The following CTNNA3 variants were observed in gnomAD, a reference collection of about 807,000 sequenced individuals.
CTNNA3 encodes catenin alpha-3.
A neutral mutation model predicts 95.7 loss-of-function variants in CTNNA3; 76 were observed. That is an observed-to-expected ratio of 0.79 (90% CI 0.66 to 0.96). The LOEUF (loss-of-function observed/expected upper bound fraction) is 0.96. Among genes scored for constraint, CTNNA3 ranks in the 40% least tolerant of loss-of-function variants. The probability of loss-of-function intolerance (pLI) is 0.00; values close to 1 mark genes in which losing one functional copy is unlikely to be tolerated. For synonymous variants in CTNNA3, 431 were observed against 374.4 expected, an observed-to-expected ratio of 1.15 and a Z score of -1.74; for missense variants, 1,191 against 1,089.8, an observed-to-expected ratio of 1.09 and a Z score of -1.31.
chr10:67,750,773 A>C, intron 1 of CTNNA3: 2 of 1,605,224 alleles, frequency 1.2e-6, no homozygotes, highest in East Asian at 4.5e-5. Flanking sequence ...AATTTCAACC[A>C]CTTCCAGATA....
intron 2 of CTNNA3, among the ~76,000 whole-genome samples, chr10:67,638,811 T>C (rs1202227486): frequency 1.3e-5 from 2 of 152,078 alleles, no homozygotes; most frequent in Non-Finnish European, 1.5e-5. Context: ...TTGAAACCAA[T>C]GAGAACAAGA....
At chr10:66,449,678 T>C (rs1217305306) in intron 11 of CTNNA3, among the ~76,000 whole-genome samples, 1 of 152,048 alleles carries the variant, frequency 6.6e-6, no homozygotes, top group Non-Finnish European at 1.5e-5. Context: ...AGGGCACTCA[T>C]CCAGAAAATC....
intron 13 of CTNNA3, among the ~76,000 whole-genome samples, chr10:66,258,996 C>G (rs2090896012): frequency 1.3e-5 from 2 of 152,170 alleles, no homozygotes; most frequent in African/African-American, 4.8e-5. Flanking sequence ...GCCAAAACCT[C>G]TACTGATTGG....
intron 11 of CTNNA3, among the ~76,000 whole-genome samples, chr10:66,491,431 G>A (rs77288038): frequency 0.028 from 4,218 of 152,216 alleles, 206 homozygotes; most frequent in African/African-American, 0.095. Flanking sequence ...AGATGGAGTG[G>A]AAGAAGCCTA....
At chr10:66,501,961 A>G (rs1180031233) in intron 11 of CTNNA3, among the ~76,000 whole-genome samples, 1 of 152,162 alleles carries the variant, frequency 6.6e-6, no homozygotes, top group East Asian at 1.9e-4. Context: ...AGACTCAGTA[A>G]GACTTCACCG....
chr10:66,446,373 A>G (rs1193055722), intron 11 of CTNNA3, among the ~76,000 whole-genome samples: 1 of 138,966 alleles, frequency 7.2e-6, no homozygotes, highest in Non-Finnish European at 1.6e-5. Context: ...CACAACCAAA[A>G]AAGGTAATTT....
chr10:67,523,389 T>C (rs1840041783), intron 4 of CTNNA3, among the ~76,000 whole-genome samples: 1 of 152,186 alleles, frequency 6.6e-6, no homozygotes, highest in Admixed American at 6.5e-5. Context: ...CAATTTAATC[T>C]TCACAAGAAC....
At chr10:66,915,025 C>A (rs1205068498) in intron 7 of CTNNA3, among the ~76,000 whole-genome samples, 1 of 151,602 alleles carries the variant, frequency 6.6e-6, no homozygotes, top group Non-Finnish European at 1.5e-5. Flanking sequence ...GAAAGAAAAA[C>A]CAAAGGATCA....
At chr10:67,189,897 A>C (rs1863041888) in intron 6 of CTNNA3, among the ~76,000 whole-genome samples, 1 of 152,160 alleles carries the variant, frequency 6.6e-6, no homozygotes, top group South Asian at 2.1e-4. Flanking sequence ...AATTAAAATA[A>C]ATTGCAAATA....
chr10:67,206,410 A>G (rs1249108655), intron 6 of CTNNA3, among the ~76,000 whole-genome samples: 1 of 152,144 alleles, frequency 6.6e-6, no homozygotes, highest in Admixed American at 6.5e-5. Context: ...GGTTGGCAGG[A>G]TATATTGTTT....
Position 65,916,917 on chromosome 10 carries a change from A to C in CTNNA3, c.*3413T>G, listed in dbSNP as rs2077014598. On this transcript the variant is annotated 3_prime_UTR_variant, in exon 18 of 18. Coordinates refer to ENST00000433211, the MANE Select transcript of CTNNA3 (RefSeq NM_013266.4). ...TACACATTAGGCTTTTCAGCCACTC[A>C]TTATTTAATTTGAGGAGCATTAATT... The C allele has an allele frequency of 6.6e-6, 1 of 152,190 alleles. No individual in the cohort carries two copies. The highest frequency in any genetic ancestry group is 2.4e-5 in the African/African-American group (1 of 41,460). The allele number at this position is 152,190 out of a possible 1,614,324, so 9.4% of individuals were successfully genotyped here. A position where few individuals can be genotyped will look rare whatever the true frequency, so the allele number is the denominator to read the frequency against.
intron 7 of CTNNA3, among the ~76,000 whole-genome samples, chr10:67,016,262 C>T (rs73326954): frequency 0.016 from 2,465 of 152,264 alleles, 86 homozygotes; most frequent in African/African-American, 0.055. Flanking sequence ...AAGGGGATAG[C>T]TGGAAATGTA....
At chr10:66,607,087 A>G (rs761939606) in intron 10 of CTNNA3, among the ~76,000 whole-genome samples, 1 of 152,080 alleles carries the variant, frequency 6.6e-6, no homozygotes, top group Non-Finnish European at 1.5e-5. Context: ...ATTAAAAATG[A>G]CAAAGGGGAT....
rs145480171 is a variant in CTNNA3, at chr10:67,693,836, A to G, written c.-6+2164T>C. On this transcript the variant is annotated intron_variant, in intron 1 of 17. Coordinates refer to ENST00000433211, the MANE Select transcript of CTNNA3 (RefSeq NM_013266.4). ...CACAACATGGTTCTCAAACTCAACA[A>G]TGACAGAATTAAAACTTATCTTCTC... Among the ~76,000 whole-genome samples, 797 of 152,270 alleles carry G rather than the reference A, an allele frequency of 5.2e-3. 6 individuals are homozygous for G. The highest frequency in any genetic ancestry group is 0.015 in the African/African-American group (632 of 41,566).
chr10:66,592,034 T>G (rs1843568989), intron 10 of CTNNA3, among the ~76,000 whole-genome samples: 1 of 151,756 alleles, frequency 6.6e-6, no homozygotes, highest in African/African-American at 2.4e-5. Context: ...TTAATTGGAA[T>G]GTAGACTTTA....
chr10:66,468,370 G>A (rs2131866984), intron 11 of CTNNA3, among the ~76,000 whole-genome samples: 1 of 152,098 alleles, frequency 6.6e-6, no homozygotes, highest in Non-Finnish European at 1.5e-5. Context: ...TCTTTTAAAG[G>A]ACAGAGTATT....
intron 7 of CTNNA3, chr10:67,099,367 C>T (rs1858202616): frequency 6.6e-6 from 1 of 151,340 alleles, no homozygotes; most frequent in Admixed American, 6.6e-5. Context: ...ATTACTGTTG[C>T]ACTAGAAGTG....
chr10:67,125,421 T>A (rs796470182), intron 7 of CTNNA3, among the ~76,000 whole-genome samples: 1 of 151,684 alleles, frequency 6.6e-6, no homozygotes, highest in African/African-American at 2.4e-5. Context: ...TATAAAAAAA[T>A]GAATCATTAG....
chr10:65,997,591 G>A (rs1298863717), intron 15 of CTNNA3, among the ~76,000 whole-genome samples: 3 of 152,168 alleles, frequency 2.0e-5, no homozygotes, highest in Admixed American at 2.0e-4. Context: ...ATAGGAAAAG[G>A]ATGGAAAGTC....
Sources: gnomAD v4.1 joint callset for allele counts (sites outside exome capture counted in the v4.1 genomes callset) on GRCh38, gnomAD v4.1.1 for gene constraint, MANE v1.5 for transcripts, NCBI Gene and HGNC (gene_info 2026-07-23, HGNC 2026-07-21) for gene names.